The following ADAMTS4 variants were observed in gnomAD, a reference collection of about 807,000 sequenced individuals.
The protein encoded by ADAMTS4 is A disintegrin and metalloproteinase with thrombospondin motifs 4.
In ADAMTS4, 38 loss-of-function variants were observed where a neutral mutation model predicts 66.7. The observed-to-expected ratio is 0.57, with a 90% CI of 0.44 to 0.75. The LOEUF is 0.75. Ranked by LOEUF, ADAMTS4 falls within the 30% of genes least tolerant of loss-of-function variation. The pLI is 0.00. For synonymous variants in ADAMTS4, 418 were observed against 461.5 expected (o/e 0.91, Z 1.21); for missense variants, 1,014 against 1,116.7 (o/e 0.91, Z 1.31).
rs1009380614 is a variant in ADAMTS4 at position 161,192,057 on chromosome 1, G to C, written c.2087+8C>G. ...GGAAGGTAGAGGGAGGAATGATGGT[G>C]AAAGAACCTGAATTTCCTGAAGGAG... is the stretch of plus-strand genomic sequence containing the variant. On this transcript the variant is annotated splice_region_variant and intron_variant, in intron 8 of 8. Transcript: ENST00000367996. The C allele has an allele frequency of 6.2e-7, 1 of 1,613,332 alleles. No homozygotes were observed. The highest frequency in any genetic ancestry group is 1.1e-5 in the South Asian group (1 of 91,040).
At chr1:161,197,951 A>G (rs1325643840) in intron 1 of ADAMTS4, 44 bp downstream of exon 1, 116 of 1,521,144 alleles carry the variant, frequency 7.6e-5, no homozygotes, top group Non-Finnish European at 1.0e-4. Context: ...TAGGACAGAC[A>G]TGGCGGGAGG....
In ADAMTS4 at chr1:161,198,540, G is replaced by A; in HGVS notation, c.88C>T (p.Pro30Ser). Residue 30 changes from proline (P) to serine (S), a missense_variant, in exon 1 of 9, where the codon CCG (proline) becomes TCG (serine). Transcript: ENST00000367996. This position sits in a 1 kb window ranked among gnomAD's most constrained non-coding sequence, Gnocchi z 4.7. ...AGCAGCCACACCAGCCAGGAGAGCGGCACAATGGGGAGCAGGAGGCAGGGT... is the reference window on the plus strand; with the variant it reads ...AGCAGCCACACCAGCCAGGAGAGCGACACAATGGGGAGCAGGAGGCAGGGT... ...AQPCLLLPIVPLSWLVWLLLL... is the reference protein window; with the variant it reads ...AQPCLLLPIVSLSWLVWLLLL... The A allele has an allele frequency of 6.4e-7, 1 of 1,565,648 alleles. No individual in the cohort carries two copies. The highest frequency in any genetic ancestry group is 1.2e-5 in the South Asian group (1 of 85,444).
In ADAMTS4 at chr1:161,193,616, G is replaced by A; in HGVS notation, c.1735+24C>T. On this transcript the variant is annotated intron_variant, in intron 6 of 8. Transcript: ENST00000367996. The surrounding 1 kb of genome is among the most constrained non-coding windows in gnomAD (Gnocchi z 4.4). ...CCTGCTCTACTGTCCCCTCCCAAGG[G>A]CTCCCATCCCCCCTACTCCTCACCT... 1.9e-6 allele frequency: 3 copies of A among 1,590,088 alleles called. No individual in the cohort carries two copies. The highest frequency in any genetic ancestry group is 2.6e-6 in the Non-Finnish European group (3 of 1,166,962).
In ADAMTS4 at chr1:161,193,135, C is replaced by T. The variant is rs1201062318; in HGVS notation, c.1911+78G>A. The T allele has an allele frequency of 2.0e-6, 3 of 1,468,570 alleles. No homozygotes were observed. Among genetic ancestry groups the T allele is most frequent in the African/African-American group, 2.8e-5 (2 of 71,662 alleles). The allele number at this position is 1,468,570 out of a possible 1,614,324, so 91.0% of individuals were successfully genotyped here. A position where few individuals can be genotyped will look rare whatever the true frequency, so the allele number is the denominator to read the frequency against. ...TAGGAACAGGGTTACTTTGGGTGAT[C>T]TTTGTTATCAGAAAGCAGAGGGAGC... On this transcript the variant is annotated intron_variant, in intron 7 of 8. Coordinates refer to ENST00000367996, the MANE Select transcript of ADAMTS4 (RefSeq NM_005099.6). This position sits in a 1 kb window ranked among gnomAD's most constrained non-coding sequence, Gnocchi z 4.4.
In ADAMTS4 at chr1:161,185,275, T is replaced by C. The variant is rs1167231422; in HGVS notation, c.*5863A>G. 2.0e-5 allele frequency: 3 copies of C among 152,434 alleles called. 1 individual carries two copies. Among genetic ancestry groups the C allele is most frequent in the Admixed American group, 2.0e-4 (3 of 15,276 alleles). 9.4% of individuals were successfully genotyped at this position (152,434 alleles called of 1,614,324 possible). On this transcript the variant is annotated 3_prime_UTR_variant, in exon 9 of 9. Transcript: ENST00000367996. ...GTTGGATGTGTGTTATGTCAATGTG[T>C]CACTGTTGGTGTGGGTGTATGGTGC... is the stretch of plus-strand genomic sequence containing the variant.
At chr1:161,195,660 G>C (rs201760316) in intron 3 of ADAMTS4, 25 bp from the exon 4 acceptor site, 86 of 1,589,944 alleles carry the variant, frequency 5.4e-5, no homozygotes, top group Non-Finnish European at 6.9e-5. Flanking sequence ...GCCCTGATAG[G>C]ATCTGAGGGT....
At chr1:161,197,195 G>A (rs1664879905) in intron 1 of ADAMTS4, 1 of 325,440 alleles carries the variant, frequency 3.1e-6, no homozygotes, top group Non-Finnish European at 5.7e-6. Context: ...GGGACTTTGG[G>A]GTTCTCCAGG....
At position 161,193,814 on chromosome 1, in the gene ADAMTS4, C is replaced by T. The variant is rs1664743715; in HGVS notation, c.1561G>A (p.Gly521Ser). 1 of 1,606,294 alleles carries T rather than the reference C, an allele frequency of 6.2e-7. No homozygotes were observed. The highest frequency in any genetic ancestry group is 8.5e-7 in the Non-Finnish European group (1 of 1,175,958). ...CATGGTCCCCAAGGACCCCAGCCAC[C>T]AGCCTGTGGAATCTGCAAAGGCACA... The part of the protein sequence containing the change: ...QLQDFNIPQA[G>S]GWGPWGPWGD... Residue 521 changes from glycine to serine, a missense_variant, in exon 6 of 9, where the codon GGT (glycine) becomes AGT (serine). Gly to Ser is a moderately conservative substitution (Grantham distance 56). Coordinates refer to ENST00000367996, the MANE Select transcript of ADAMTS4 (RefSeq NM_005099.6). This position sits in a 1 kb window ranked among gnomAD's most constrained non-coding sequence, Gnocchi z 4.4.
intron 4 of ADAMTS4, among the ~76,000 whole-genome samples, 199 bp downstream of exon 4, chr1:161,195,266 C>A (rs1302065113): frequency 1.3e-5 from 2 of 152,230 alleles, no homozygotes; most frequent in Non-Finnish European, 2.9e-5. Context: ...CAAAATTCGC[C>A]TCCTCTAGCT....
At position 161,195,488 on chromosome 1, in the gene ADAMTS4, G is replaced by A. The variant is rs539344608; in HGVS notation, c.1238C>T (p.Thr413Ile). 1 of 1,612,012 alleles carries A rather than the reference G, an allele frequency of 6.2e-7. No homozygotes were observed. The highest frequency in any genetic ancestry group is 1.3e-5 in the African/African-American group (1 of 74,926). The change falls in exon 4 of 9, where the codon ACT (threonine) becomes ATT (isoleucine). Residue 413 changes from threonine to isoleucine, a missense_variant. Physicochemically the swap from Thr to Ile is moderately conservative, Grantham distance 89. Transcript: ENST00000367996. ...PWSPCSARFI[T>I]DFLDNGYGHC... ...ACCATAGCCATTGTCCAGGAAGTCA[G>A]TGATGAAGCGGGCACTGCAGGGGGA...
Position 161,188,101 on chromosome 1 carries a change from C to T in ADAMTS4, c.*3037G>A, listed in dbSNP as rs1458472518. The T allele has an allele frequency of 6.6e-6, 1 of 151,628 alleles. No homozygotes were observed. Among genetic ancestry groups the T allele is most frequent in the Non-Finnish European group, 1.5e-5 (1 of 67,920 alleles). The allele number at this position is 151,628 out of a possible 1,614,324, so 9.4% of individuals were successfully genotyped here. The stretch of plus-strand genomic sequence containing the variant: ...AGTAGCTGGGACTATAGGCGCTTGC[C>T]ACCACACCTGGCTAATTTTTTGTAT... On this transcript the variant is annotated 3_prime_UTR_variant, in exon 9 of 9. Coordinates refer to ENST00000367996, the MANE Select transcript of ADAMTS4 (RefSeq NM_005099.6).
In ADAMTS4 at chr1:161,193,900, G is replaced by A. The variant is rs192808780; in HGVS notation, c.1548+35C>T. ...GCTTAAGGCCAGTCCCCACACCCCC[G>A]GGCCCTTTACCCCACCCCTGCCCTA... On this transcript the variant is annotated intron_variant, in intron 5 of 8. Transcript: ENST00000367996. This position sits in a 1 kb window ranked among gnomAD's most constrained non-coding sequence, Gnocchi z 4.4. The A allele has an allele frequency of 9.7e-5, 152 of 1,562,528 alleles. No individual in the cohort carries two copies. The Middle Eastern group carries it at 2.2e-3, about 23-fold the overall frequency.
intron 8 of ADAMTS4, 132 bp downstream of exon 8, chr1:161,191,933 G>A: frequency 8.8e-7 from 1 of 1,141,854 alleles, no homozygotes; most frequent in African/African-American, 1.5e-5. Flanking sequence ...AAACCGCACT[G>A]TAGCTGCCTA....
In ADAMTS4 at chr1:161,196,548, G is replaced by C. The variant is rs143383079; in HGVS notation, c.957+9C>G. 24,552 of 1,613,450 alleles carry C rather than the reference G, an allele frequency of 0.015. 352 individuals carry two copies. The highest frequency in any genetic ancestry group is 0.049 in the South Asian group (4,498 of 90,976). On this transcript the variant is annotated intron_variant, in intron 2 of 8. Coordinates refer to ENST00000367996, the MANE Select transcript of ADAMTS4 (RefSeq NM_005099.6). ...AGTGCATGGCCTGCGGTGCTGACTG[G>C]GGCCTCACCTGACGGGTAAACAGAA...
Position 161,194,110 on chromosome 1 carries a change from C to A in ADAMTS4, c.1373G>T (p.Arg458Leu). ...QCQLTFGPDSRHCPQLPPPCA... is the reference protein window; with the variant it reads ...QCQLTFGPDSLHCPQLPPPCA... ...GGGCGGCGGCAGCTGTGGACAATGG[C>A]GTGAGTCGGGCCCGAAGGTCAGCTG... The change falls in exon 5 of 9, where the codon CGC becomes CTC. Residue 458 changes from arginine (R) to leucine (L), a missense_variant. By Grantham distance (102) the Arg-to-Leu change is moderately radical. Coordinates refer to ENST00000367996, the MANE Select transcript of ADAMTS4 (RefSeq NM_005099.6). The surrounding 1 kb of genome is among the most constrained non-coding windows in gnomAD (Gnocchi z 4.1). 6.2e-7 allele frequency: 1 copy of A among 1,614,216 alleles called. No homozygotes were observed. The highest frequency in any genetic ancestry group is 8.5e-7 in the Non-Finnish European group (1 of 1,180,034).
At position 161,188,194 on chromosome 1, in the gene ADAMTS4, G is replaced by A. The variant is rs1447928064; in HGVS notation, c.*2944C>T. 7.0e-6 allele frequency: 1 copy of A among 143,064 alleles called. No individual in the cohort carries two copies. The highest frequency in any genetic ancestry group is 1.5e-5 in the Non-Finnish European group (1 of 66,222). The allele number at this position is 143,064 out of a possible 1,614,324, so 8.9% of individuals were successfully genotyped here. A position where few individuals can be genotyped will look rare whatever the true frequency, so the allele number is the denominator to read the frequency against. ...TGGTTTTGAACCTCAGCCTCCCAAA[G>A]TGCTGAGATTACAGGTGTGAGCCAC... On this transcript the variant is annotated 3_prime_UTR_variant, in exon 9 of 9. Coordinates refer to ENST00000367996, the MANE Select transcript of ADAMTS4 (RefSeq NM_005099.6).
rs1387554400 is a variant in ADAMTS4, at chr1:161,193,533, C to T, written c.1735+107G>A. ...ACAATTCCCAGAGGTTAAAGGCACTCCCCACAGCAGCAGGGGAATCAACAC... is the reference window on the plus strand; with the variant it reads ...ACAATTCCCAGAGGTTAAAGGCACTTCCCACAGCAGCAGGGGAATCAACAC... On this transcript the variant is annotated intron_variant, in intron 6 of 8. Transcript: ENST00000367996. This position sits in a 1 kb window ranked among gnomAD's most constrained non-coding sequence, Gnocchi z 4.4. 11 of 1,517,552 alleles carry T rather than the reference C, an allele frequency of 7.2e-6. No homozygotes were observed. The highest frequency in any genetic ancestry group is 2.3e-5 in the East Asian group (1 of 44,150). 94.0% of individuals were successfully genotyped at this position (1,517,552 alleles called of 1,614,324 possible). A position where few individuals can be genotyped will look rare whatever the true frequency, so the allele number is the denominator to read the frequency against.
In ADAMTS4 at chr1:161,194,412, CAG is replaced by C. The variant is rs1246390623; in HGVS notation, c.1262-193_1262-192del. Reference sequence around the variant, plus strand: ...TTACTTTTTTTTTTTTTTCCTGAGACAGAGTCTTGCTCTGTCGCTCAGGCTGC... The same window carrying C: ...TTACTTTTTTTTTTTTTTCCTGAGACAGTCTTGCTCTGTCGCTCAGGCTGC... On this transcript the variant is annotated intron_variant, in intron 4 of 8. Coordinates refer to ENST00000367996, the MANE Select transcript of ADAMTS4 (RefSeq NM_005099.6). The surrounding 1 kb of genome is among the most constrained non-coding windows in gnomAD (Gnocchi z 4.1). 6.7e-6 allele frequency among the ~76,000 whole-genome samples: 1 copy of C among 149,032 alleles called. No homozygotes were observed. The highest frequency in any genetic ancestry group is 1.5e-5 in the Non-Finnish European group (1 of 67,374).
Position 161,196,177 on chromosome 1 carries a change from C to G in ADAMTS4, c.1084G>C (p.Glu362Gln). 6.2e-7 allele frequency: 1 copy of G among 1,603,960 alleles called. No homozygotes were observed. Residue 362 changes from glutamate (E) to glutamine (Q), a missense_variant, in exon 3 of 9, where the codon GAA becomes CAA. By Grantham distance (29) the Glu-to-Gln change is conservative. Coordinates refer to ENST00000367996, the MANE Select transcript of ADAMTS4 (RefSeq NM_005099.6). ...GLQSAFTAAH[E>Q]LGHVFNMLHD... ...TCATCCACCCCTACTTTACCCAGTT[C>G]ATGAGCAGCAGTGAAGGCTGACTGG...
Sources: allele counts gnomAD v4.1 joint callset (sites outside exome capture counted in the v4.1 genomes callset), GRCh38; gene constraint gnomAD v4.1.1; non-coding constraint Gnocchi (gnomAD v3.1); transcripts MANE v1.5; gene names NCBI Gene and HGNC (gene_info 2026-07-23, HGNC 2026-07-21).